AHCY: variants seen among roughly 807,000 people sequenced by gnomAD.
The protein encoded by AHCY is adenosylhomocysteinase.
In AHCY, 24 loss-of-function variants were observed where a neutral mutation model predicts 45.4. The observed-to-expected ratio is 0.53, with a 90% confidence interval of 0.38 to 0.74. AHCY has a LOEUF of 0.74. Among genes scored for constraint, AHCY ranks in the 30% least tolerant of loss-of-function variants. The pLI is 0.00. For synonymous variants in AHCY, 245 were observed against 235.1 expected (o/e 1.04, Z -0.39); for missense variants, 449 against 594.1 (o/e 0.76, Z 2.54).
downstream of AHCY, among the ~76,000 whole-genome samples, chr20:34,278,320 G>T (rs1415710624): frequency 2.0e-5 from 3 of 152,298 alleles, no homozygotes; most frequent in Admixed American, 1.3e-4. Context: ...AGGGAGGTGG[G>T]GGGCTACATG....
chr20:34,284,450 C>A (rs1267250717), intron 9 of AHCY, among the ~76,000 whole-genome samples: 1 of 152,156 alleles, frequency 6.6e-6, no homozygotes, highest in Admixed American at 6.5e-5. Flanking sequence ...GTGTGAGCCA[C>A]CGCGCCTGGC....
At chr20:34,255,313 C>T in the AHCY span, among the ~76,000 whole-genome samples, 2 of 152,158 alleles carry the variant, frequency 1.3e-5, no homozygotes, top group Non-Finnish European at 2.9e-5. Context: ...CCCCAAACTC[C>T]TGCCACCTTT....
chr20:34,263,705 G>A, the AHCY span, among the ~76,000 whole-genome samples: 1 of 142,608 alleles, frequency 7.0e-6, no homozygotes, highest in Admixed American at 7.4e-5. Context: ...TTTCGCTCTC[G>A]TTGCCCAGGC....
chr20:34,283,827 C>T (rs894979331), intron 9 of AHCY, among the ~76,000 whole-genome samples: 1 of 152,218 alleles, frequency 6.6e-6, no homozygotes, highest in African/African-American at 2.4e-5. Context: ...CAGGCCTCTT[C>T]CTGCGTCTTC....
the AHCY span, among the ~76,000 whole-genome samples, chr20:34,272,630 T>C: frequency 6.6e-6 from 1 of 152,162 alleles, no homozygotes; most frequent in South Asian, 2.1e-4. Context: ...CTCACACCTG[T>C]AATCCCAGCA....
chr20:34,233,143 C>CTTTTTTTTT, the AHCY span, among the ~76,000 whole-genome samples: 2 of 100,314 alleles, frequency 2.0e-5, no homozygotes, highest in African/African-American at 8.6e-5. Context: ...GGGACAAGAG[C>CTTTTTTTTT]TTTTTTTTTT....
chr20:34,278,088 G>A (rs2035924295), downstream of AHCY, among the ~76,000 whole-genome samples: 1 of 152,160 alleles, frequency 6.6e-6, no homozygotes, highest in Admixed American at 6.5e-5. Flanking sequence ...GGAGTATTGG[G>A]GTATTGGGGG....
At chr20:34,271,701 G>A in the AHCY span, among the ~76,000 whole-genome samples, 5 of 151,904 alleles carry the variant, frequency 3.3e-5, no homozygotes, top group Admixed American at 3.3e-4. Flanking sequence ...GAGTAGCTGG[G>A]ATTACAGGCA....
chr20:34,260,302 C>T, the AHCY span: 1,206 of 1,486,580 alleles, frequency 8.1e-4, 2 homozygotes, highest in Middle Eastern at 1.5e-3. Flanking sequence ...ACAAAGAAAG[C>T]AGGAAGGCCT....
At chr20:34,302,061 T>C in intron 1 of AHCY, 2 of 893,334 alleles carry the variant, frequency 2.2e-6, no homozygotes, top group Non-Finnish European at 2.7e-6. Context: ...AGCGTGGTGG[T>C]GCAATCTCGG....
chr20:34,302,676 G>C (rs902594433), intron 1 of AHCY: 1 of 986,684 alleles, frequency 1.0e-6, no homozygotes, highest in Non-Finnish European at 1.2e-6. Flanking sequence ...CGAGATTTCT[G>C]CAAGGCTGCC....
the AHCY span, among the ~76,000 whole-genome samples, chr20:34,257,258 T>C: frequency 6.6e-6 from 1 of 151,966 alleles, no homozygotes; most frequent in African/African-American, 2.4e-5. Flanking sequence ...ACCTGGTTAA[T>C]TTTTGTATTT....
chr20:34,245,491 G>C, the AHCY span, among the ~76,000 whole-genome samples: 2 of 151,338 alleles, frequency 1.3e-5, no homozygotes, highest in African/African-American at 4.8e-5. Flanking sequence ...AGGTTCCAGC[G>C]ATTCTCAGGC....
In AHCY at chr20:34,290,541, T is replaced by G. The variant is rs2036342637; in HGVS notation, c.854+10A>C. ...CCCTCACTCCCCGGGACCCCCCATC[T>G]GGCACCTACCGGCCAAGGATGATGT... is the stretch of plus-strand genomic sequence containing the variant. On this transcript the variant is annotated intron_variant, in intron 7 of 9. Transcript: ENST00000217426. This position sits in a 1 kb window ranked among gnomAD's most constrained non-coding sequence, Gnocchi z 4.5. The G allele has an allele frequency of 6.2e-7, 1 of 1,614,006 alleles. No individual in the cohort carries two copies. Among genetic ancestry groups the G allele is most frequent in the South Asian group, 1.1e-5 (1 of 91,054 alleles).
the AHCY span, among the ~76,000 whole-genome samples, chr20:34,240,799 T>C: frequency 6.6e-6 from 1 of 152,224 alleles, no homozygotes; most frequent in Admixed American, 6.5e-5. Context: ...TGGAGTATCC[T>C]TGATGCAACC....
At chr20:34,305,499 G>A (rs193017221), upstream of AHCY, among the ~76,000 whole-genome samples, 32 of 152,238 alleles carry the variant, frequency 2.1e-4, no homozygotes, top group African/African-American at 6.5e-4. Flanking sequence ...GGGTCCTCAC[G>A]CATCCCTTTC....
At chr20:34,232,011 A>AC in the AHCY span, among the ~76,000 whole-genome samples, 1 of 152,352 alleles carries the variant, frequency 6.6e-6, no homozygotes, top group Admixed American at 6.5e-5. Context: ...TATTCATCAC[A>AC]CAGCAAGCAG....
upstream of AHCY, among the ~76,000 whole-genome samples, chr20:34,307,600 G>A (rs1470765838): frequency 1.3e-5 from 2 of 152,162 alleles, no homozygotes; most frequent in South Asian, 2.1e-4. Context: ...TCGAACTCCT[G>A]ACCTCGGGTG....
At chr20:34,294,923 T>C (rs183158353) in intron 2 of AHCY, among the ~76,000 whole-genome samples, 1 of 152,298 alleles carries the variant, frequency 6.6e-6, no homozygotes, top group African/African-American at 2.4e-5. Context: ...TTTGGCTCCA[T>C]TGCCCTACCC....
Sources: gnomAD v4.1 joint callset for allele counts (sites outside exome capture counted in the v4.1 genomes callset) on GRCh38, gnomAD v4.1.1 for gene constraint, Gnocchi (gnomAD v3.1) non-coding constraint, MANE v1.5 for transcripts, NCBI Gene and HGNC (gene_info 2026-07-23, HGNC 2026-07-21) for gene names.